PTPRT: variants seen among roughly 807,000 people sequenced by gnomAD.
PTPRT encodes the protein protein tyrosine phosphatase receptor type T.
In PTPRT, 56 loss-of-function variants were observed where a neutral mutation model predicts 176.8. That is an observed-to-expected ratio of 0.32 (90% CI 0.26 to 0.40). PTPRT has a LOEUF of 0.40. PTPRT is among the 10% of genes least tolerant of loss of function. The pLI is 1.00. For synonymous variants in PTPRT, 783 were observed against 739.0 expected (o/e 1.06, Z -0.96); for missense variants, 1,540 against 1,908.2 (o/e 0.81, Z 3.60).
At chr20:42,272,794 A>T (rs975406042) in intron 13 of PTPRT, among the ~76,000 whole-genome samples, 9 of 151,584 alleles carry the variant, frequency 5.9e-5, no homozygotes, top group Non-Finnish European at 8.8e-5. Context: ...ATCACTCCTA[A>T]CCTCATCTGG....
At chr20:42,085,888 A>G in intron 27 of PTPRT, 35 bp from the exon 28 acceptor site, 1 of 1,578,452 alleles carries the variant, frequency 6.3e-7, no homozygotes, top group Non-Finnish European at 8.7e-7. Flanking sequence ...AAGGAGCTCA[A>G]AGGCAGGGGG....
intron 13 of PTPRT, among the ~76,000 whole-genome samples, chr20:42,260,867 T>C (rs1338329605): frequency 6.6e-6 from 1 of 152,126 alleles, no homozygotes; most frequent in Admixed American, 6.5e-5. Context: ...AAATGTAGAA[T>C]ACAGTCAACA....
intron 27 of PTPRT, among the ~76,000 whole-genome samples, chr20:42,096,600 T>TA (rs142413813): frequency 0.057 from 8,372 of 147,882 alleles, 274 homozygotes; most frequent in Middle Eastern, 0.071. Context: ...TAAGAGTCAG[T>TA]AAAAAAAAAA....
At chr20:42,898,838 C>T (rs943620264) in intron 1 of PTPRT, among the ~76,000 whole-genome samples, 2 of 152,084 alleles carry the variant, frequency 1.3e-5, no homozygotes, top group Non-Finnish European at 2.9e-5. Flanking sequence ...TGGGTCAGCG[C>T]CAGCCTCAAC....
intron 16 of PTPRT, among the ~76,000 whole-genome samples, chr20:42,191,572 G>T (rs1991005668): frequency 6.6e-6 from 1 of 152,160 alleles, no homozygotes; most frequent in Non-Finnish European, 1.5e-5. Context: ...TCCGAGGAGG[G>T]CTGATGGCTG....
chr20:42,853,615 G>A (rs139447051), intron 2 of PTPRT, among the ~76,000 whole-genome samples: 3 of 152,136 alleles, frequency 2.0e-5, no homozygotes, highest in East Asian at 3.9e-4. Flanking sequence ...TCTGGTGCTC[G>A]AACGATTGGA....
At chr20:43,141,744 T>C (rs2040334725) in intron 1 of PTPRT, among the ~76,000 whole-genome samples, 1 of 152,204 alleles carries the variant, frequency 6.6e-6, no homozygotes. Context: ...CTAAATAGTA[T>C]TTGTATAAGA....
intron 1 of PTPRT, among the ~76,000 whole-genome samples, chr20:43,071,880 C>A (rs555711456): frequency 3.9e-5 from 6 of 152,358 alleles, no homozygotes; most frequent in Non-Finnish European, 4.4e-5. Context: ...CACAGGGAGG[C>A]AATGCACTTG....
chr20:42,268,425 C>T (rs147489597), intron 13 of PTPRT, among the ~76,000 whole-genome samples: 6 of 152,220 alleles, frequency 3.9e-5, no homozygotes, highest in African/African-American at 4.8e-5. Context: ...CCAGCAGAAA[C>T]GGAACAGCTC....
At chr20:43,169,703 A>G (rs1245087982) in intron 1 of PTPRT, among the ~76,000 whole-genome samples, 1 of 151,898 alleles carries the variant, frequency 6.6e-6, no homozygotes, top group East Asian at 1.9e-4. Context: ...CCGTAAACCA[A>G]TATCCCTCCT....
chr20:42,064,497 T>C, the PTPRT span, among the ~76,000 whole-genome samples: 41 of 152,326 alleles, frequency 2.7e-4, no homozygotes, highest in Admixed American at 2.0e-4. Context: ...TTTGTGCTGC[T>C]ATTGTGAGTG....
At chr20:42,854,729 G>A (rs1334790011) in intron 2 of PTPRT, among the ~76,000 whole-genome samples, 1 of 152,234 alleles carries the variant, frequency 6.6e-6, no homozygotes, top group African/African-American at 2.4e-5. Flanking sequence ...GGAGAGGTCT[G>A]ATAAAGTTCA....
chr20:42,208,614 C>T (rs1483126946), intron 15 of PTPRT, among the ~76,000 whole-genome samples: 1 of 151,868 alleles, frequency 6.6e-6, no homozygotes, highest in Non-Finnish European at 1.5e-5. Flanking sequence ...TATATATGCA[C>T]CCAATACAGG....
At chr20:42,962,842 G>A (rs1019567782) in intron 1 of PTPRT, among the ~76,000 whole-genome samples, 12 of 152,026 alleles carry the variant, frequency 7.9e-5, no homozygotes, top group South Asian at 2.1e-4. Context: ...CTAGGTGGGC[G>A]GATCACTTGA....
intron 7 of PTPRT, among the ~76,000 whole-genome samples, chr20:42,651,460 C>G (rs1400739007): frequency 6.6e-6 from 1 of 152,084 alleles, no homozygotes; most frequent in Non-Finnish European, 1.5e-5. Flanking sequence ...TATTTTGTTC[C>G]CATTTTACAG....
chr20:42,571,331 G>A (rs1008238750), intron 7 of PTPRT, among the ~76,000 whole-genome samples: 12 of 152,206 alleles, frequency 7.9e-5, no homozygotes, highest in Non-Finnish European at 1.5e-4. Context: ...TGAAGATGCT[G>A]CATTGCTCGA....
At position 42,985,455 on chromosome 20, in the gene PTPRT, T is replaced by C. The variant is rs187808222; in HGVS notation, c.89-99523A>G. On this transcript the variant is annotated intron_variant, in intron 1 of 30. Transcript: ENST00000373187. ...GGTTGCAGGAGCCAAGATCACACCA[T>C]TGCACTCCAGCCTGGGCAACAGAGT... 5.2e-3 allele frequency among the ~76,000 whole-genome samples: 795 copies of C among 152,020 alleles called. 12 individuals carry two copies. The highest frequency in any genetic ancestry group is 0.018 in the African/African-American group (755 of 41,464).
chr20:42,979,302 T>C (rs973117875), intron 1 of PTPRT, among the ~76,000 whole-genome samples: 1 of 152,196 alleles, frequency 6.6e-6, no homozygotes, highest in Non-Finnish European at 1.5e-5. Context: ...TTGTGAATCA[T>C]ATTTGCTGTA....
At position 42,633,801 on chromosome 20, in the gene PTPRT, ATATATATATATATATAT is replaced by A. The variant is rs1569037113; in HGVS notation, c.1153+44048_1153+44064del. ...ACTCTGAAAATATATATATATATAT[ATATATATATATATATAT>A]AATAAAATATTAATATATTATAATA... On this transcript the variant is annotated intron_variant, in intron 7 of 30. Coordinates refer to ENST00000373187, the MANE Select transcript of PTPRT (RefSeq NM_007050.6). Among the ~76,000 whole-genome samples the A allele has an allele frequency of 6.0e-5, 4 of 66,460 alleles. 1 individual carries two copies. The highest frequency in any genetic ancestry group is 4.1e-4 in the South Asian group (1 of 2,410). The allele number at this position is 66,460 out of a possible 152,430, so 43.6% of individuals were successfully genotyped here.
Sources: gnomAD v4.1 joint callset for allele counts (sites outside exome capture counted in the v4.1 genomes callset) on GRCh38, gnomAD v4.1.1 for gene constraint, MANE v1.5 for transcripts, NCBI Gene and HGNC (gene_info 2026-07-23, HGNC 2026-07-21) for gene names.